Variants in IQCH observed in about 807,000 individuals in gnomAD.
IQCH encodes the protein IQ domain-containing protein H.
Under a neutral mutation model 117.0 loss-of-function variants are expected in IQCH, and 98 were observed. The observed-to-expected ratio is 0.84, with a 90% CI of 0.71 to 0.99. The LOEUF (loss-of-function observed/expected upper bound fraction) is 0.99, where lower values mean the gene tolerates loss of function less well. Ranked by LOEUF, IQCH falls within the 50% of genes least tolerant of loss-of-function variation. The pLI, the probability that IQCH is intolerant of heterozygous loss-of-function variation, is 0.00. For synonymous variants in IQCH, 412 were observed against 448.2 expected (o/e 0.92, Z 1.02); for missense variants, 1,102 against 1,243.8 (o/e 0.89, Z 1.72).
At position 67,425,418 on chromosome 15, in the gene IQCH, C is replaced by G. The variant is rs1429310608; in HGVS notation, c.2505+3841C>G. The stretch of plus-strand genomic sequence containing the variant: ...CACGAGGTCAGGAGTTCAAGACCAG[C>G]TTGGCCAATATGGTGAAACCCCATC... On this transcript the variant is annotated intron_variant, in intron 16 of 20. Transcript: ENST00000335894. The surrounding 1 kb of genome is among the most constrained non-coding windows in gnomAD (Gnocchi z 5.5). Among the ~76,000 whole-genome samples the G allele has an allele frequency of 2.2e-4, 34 of 152,112 alleles. No individual in the cohort carries two copies. The highest frequency in any genetic ancestry group is 2.2e-3 in the Admixed American group (34 of 15,260).
intron 4 of IQCH, among the ~76,000 whole-genome samples, chr15:67,288,839 T>C (rs1966657621): frequency 6.6e-6 from 1 of 152,136 alleles, no homozygotes; most frequent in Non-Finnish European, 1.5e-5. Context: ...AAACATCATC[T>C]GAGACAGAAA....
chr15:67,423,949 G>A (rs1317894510), intron 16 of IQCH, among the ~76,000 whole-genome samples: 2 of 152,164 alleles, frequency 1.3e-5, no homozygotes, highest in East Asian at 3.8e-4. Flanking sequence ...ATGGAACTAT[G>A]GAGACAGTTG....
intron 17 of IQCH, among the ~76,000 whole-genome samples, chr15:67,469,178 C>A (rs936426040): frequency 1.3e-5 from 2 of 152,058 alleles, no homozygotes; most frequent in Admixed American, 1.3e-4. Context: ...AAATTCCCAC[C>A]TATTCCAAAT....
rs868244221 is a variant in IQCH at position 67,365,382 on chromosome 15, G to A, written c.753+5497G>A. ...AGAACAGCTTTGTGCTGTGAACCCAGTCCAACTGGCTATAAGCTTAAATTT... is the reference window on the plus strand; with the variant it reads ...AGAACAGCTTTGTGCTGTGAACCCAATCCAACTGGCTATAAGCTTAAATTT... On this transcript the variant is annotated intron_variant, in intron 8 of 20. Coordinates refer to ENST00000335894, the MANE Select transcript of IQCH (RefSeq NM_001031715.3). The surrounding 1 kb of genome is among the most constrained non-coding windows in gnomAD (Gnocchi z 4.4). Among the ~76,000 whole-genome samples, 10 of 152,186 alleles carry A rather than the reference G, an allele frequency of 6.6e-5. No homozygotes were observed. Among genetic ancestry groups the A allele is most frequent in the Admixed American group, 3.9e-4 (6 of 15,276 alleles).
At chr15:67,371,575 T>C (rs530657080) in intron 8 of IQCH, 8 of 1,209,396 alleles carry the variant, frequency 6.6e-6, no homozygotes, top group Non-Finnish European at 9.6e-6. Context: ...AAATGACCTC[T>C]GGATATTAAG....
rs2082730991 is a variant in IQCH at position 67,459,219 on chromosome 15, G to A, written c.2506-5908G>A. ...ACAAAAAGAAAAAGAGGAAGAAGAC[G>A]ATAAGAAAACTTAGAGATGAGTCTG... On this transcript the variant is annotated intron_variant, in intron 16 of 20. Coordinates refer to ENST00000335894, the MANE Select transcript of IQCH (RefSeq NM_001031715.3). This position sits in a 1 kb window ranked among gnomAD's most constrained non-coding sequence, Gnocchi z 4.2. 1.3e-5 allele frequency among the ~76,000 whole-genome samples: 2 copies of A among 152,168 alleles called. No homozygotes were observed. The highest frequency in any genetic ancestry group is 2.9e-5 in the Non-Finnish European group (2 of 68,030).
Position 67,426,570 on chromosome 15 carries a change from C to A in IQCH, c.2505+4993C>A, listed in dbSNP as rs2081895925. 6.7e-6 allele frequency among the ~76,000 whole-genome samples: 1 copy of A among 149,866 alleles called. No homozygotes were observed. The highest frequency in any genetic ancestry group is 3.5e-3 in the Middle Eastern group (1 of 288). ...ATCAATAAAAAATACCAAAAAAAAACCCAACCTCATACTCATTATTTAAAC... is the reference window on the plus strand; with the variant it reads ...ATCAATAAAAAATACCAAAAAAAAAACCAACCTCATACTCATTATTTAAAC... On this transcript the variant is annotated intron_variant, in intron 16 of 20. Coordinates refer to ENST00000335894, the MANE Select transcript of IQCH (RefSeq NM_001031715.3). The surrounding 1 kb of genome is among the most constrained non-coding windows in gnomAD (Gnocchi z 5.1).
chr15:67,398,056 A>G (rs1260724069), intron 13 of IQCH, among the ~76,000 whole-genome samples: 2 of 152,172 alleles, frequency 1.3e-5, no homozygotes, highest in East Asian at 1.9e-4. Flanking sequence ...GATCCTTTTC[A>G]TTACTGTAGG....
In IQCH at chr15:67,411,324, T is replaced by C. The variant is rs1414808993; in HGVS notation, c.2098-5607T>C. 3.3e-5 allele frequency among the ~76,000 whole-genome samples: 5 copies of C among 152,204 alleles called. No individual in the cohort carries two copies. Among genetic ancestry groups the C allele is most frequent in the Non-Finnish European group, 4.4e-5 (3 of 68,042 alleles). On this transcript the variant is annotated intron_variant, in intron 14 of 20. Transcript: ENST00000335894. The surrounding 1 kb of genome is among the most constrained non-coding windows in gnomAD (Gnocchi z 4.4). Reference sequence around the variant, plus strand: ...AGAGAGCACCTGCGGCCTCCCAGTGTGACTGGAGAAGCCCTCGTTCCCTCT... The same window carrying C: ...AGAGAGCACCTGCGGCCTCCCAGTGCGACTGGAGAAGCCCTCGTTCCCTCT...
chr15:67,310,328 T>C (rs1967524353), intron 4 of IQCH, among the ~76,000 whole-genome samples: 2 of 152,144 alleles, frequency 1.3e-5, no homozygotes, highest in African/African-American at 4.8e-5. Context: ...TGTGTGTACA[T>C]TTGAATTTCC....
Position 67,356,868 on chromosome 15 carries a change from C to A in IQCH, c.638-477C>A, listed in dbSNP as rs1054670490. On this transcript the variant is annotated intron_variant, in intron 6 of 20. Transcript: ENST00000335894. The surrounding 1 kb of genome is among the most constrained non-coding windows in gnomAD (Gnocchi z 5.3). Reference sequence around the variant, plus strand: ...AGACTTAACTAATTTCAAAAATAATCTTTATGGTGCTTTTCACTTGTGTCA... The same window carrying A: ...AGACTTAACTAATTTCAAAAATAATATTTATGGTGCTTTTCACTTGTGTCA... Among the ~76,000 whole-genome samples the A allele has an allele frequency of 5.9e-5, 9 of 152,110 alleles. No homozygotes were observed. The highest frequency in any genetic ancestry group is 1.9e-4 in the African/African-American group (8 of 41,432).
At chr15:67,419,472 C>A (rs992499095) in intron 15 of IQCH, among the ~76,000 whole-genome samples, 1 of 152,190 alleles carries the variant, frequency 6.6e-6, no homozygotes, top group Non-Finnish European at 1.5e-5. Flanking sequence ...TATGTTCTCT[C>A]CAGTGTGCTT....
chr15:67,428,917 G>T (rs987218026), intron 16 of IQCH, among the ~76,000 whole-genome samples: 1 of 151,910 alleles, frequency 6.6e-6, no homozygotes, highest in Admixed American at 6.6e-5. Flanking sequence ...AAGATGCTGT[G>T]CTGCTGGCCT....
chr15:67,426,005 T>C lies in IQCH; in HGVS notation c.2505+4428T>C, dbSNP rs2081880555. On this transcript the variant is annotated intron_variant, in intron 16 of 20. Coordinates refer to ENST00000335894, the MANE Select transcript of IQCH (RefSeq NM_001031715.3). This position sits in a 1 kb window ranked among gnomAD's most constrained non-coding sequence, Gnocchi z 5.1. ...CCAGTGAGAGACCCTTCAGGGTGTG[T>C]CTTGTGTCCTTTTGACATGTCCTCA... Among the ~76,000 whole-genome samples, 1 of 152,244 alleles carries C rather than the reference T, an allele frequency of 6.6e-6. No homozygotes were observed. Among genetic ancestry groups the C allele is most frequent in the Non-Finnish European group, 1.5e-5 (1 of 68,046 alleles).
rs1184187214 is a variant in IQCH, at chr15:67,359,429, A to G, written c.715-418A>G. On this transcript the variant is annotated intron_variant, in intron 7 of 20. Coordinates refer to ENST00000335894, the MANE Select transcript of IQCH (RefSeq NM_001031715.3). This position sits in a 1 kb window ranked among gnomAD's most constrained non-coding sequence, Gnocchi z 4.5. The stretch of plus-strand genomic sequence containing the variant: ...TTCAATGGTAAATGTAATTTTTCAC[A>G]TATTTTGTGGGAAGTGTCCTGGGCA... 6.6e-6 allele frequency among the ~76,000 whole-genome samples: 1 copy of G among 152,224 alleles called. No homozygotes were observed.
At chr15:67,288,969 G>A (rs1966663332) in intron 4 of IQCH, among the ~76,000 whole-genome samples, 1 of 152,096 alleles carries the variant, frequency 6.6e-6, no homozygotes, top group Non-Finnish European at 1.5e-5. Context: ...GCTAAGATGA[G>A]AGAGGAGAGG....
In IQCH at chr15:67,395,476, T is replaced by C. The variant is rs150854593; in HGVS notation, c.1818T>C (p.Tyr606=). The change falls in exon 13 of 21, where the codon TAT becomes TAC. Residue 606 remains tyrosine (Y), a synonymous_variant. Coordinates refer to ENST00000335894, the MANE Select transcript of IQCH (RefSeq NM_001031715.3). This position sits in a 1 kb window ranked among gnomAD's most constrained non-coding sequence, Gnocchi z 4.0. Reference sequence around the variant, plus strand: ...CTGAGCCTGAACTAGCTCATCTTTATAGTACCAAATCTGGAGGCAAACGTG... The same window carrying C: ...CTGAGCCTGAACTAGCTCATCTTTACAGTACCAAATCTGGAGGCAAACGTG... The part of the protein sequence containing the change: ...LGSEPELAHL[Y]STKSGGKRVF... 4.1e-5 allele frequency: 66 copies of C among 1,613,964 alleles called. No homozygotes were observed. Among genetic ancestry groups the C allele is most frequent in the Non-Finnish European group, 5.3e-5 (63 of 1,179,980 alleles).
chr15:67,462,553 A>T (rs924826514), intron 16 of IQCH, among the ~76,000 whole-genome samples: 1 of 152,040 alleles, frequency 6.6e-6, no homozygotes, highest in Non-Finnish European at 1.5e-5. Flanking sequence ...CTCCTTTTAC[A>T]CTTAAGGATA....
At chr15:67,274,518 C>A (rs967479598) in intron 3 of IQCH, among the ~76,000 whole-genome samples, 3 of 152,068 alleles carry the variant, frequency 2.0e-5, no homozygotes, top group Non-Finnish European at 4.4e-5. Context: ...TTTATTATTT[C>A]AATCTCTTTG....
Sources: allele counts gnomAD v4.1 joint callset (sites outside exome capture counted in the v4.1 genomes callset), GRCh38; gene constraint gnomAD v4.1.1; non-coding constraint Gnocchi (gnomAD v3.1); transcripts MANE v1.5; gene names NCBI Gene and HGNC (gene_info 2026-07-23, HGNC 2026-07-21).